AGBL1: variants seen among roughly 807,000 people sequenced by gnomAD.
AGBL1 encodes the protein cytosolic carboxypeptidase 4.
A neutral mutation model predicts 118.9 loss-of-function variants in AGBL1; 130 were observed. That is an observed-to-expected ratio of 1.09 (90% CI 0.95 to 1.26). AGBL1 has a LOEUF of 1.26. AGBL1 is among the 50% of genes most tolerant of loss of function. The probability of loss-of-function intolerance (pLI) is 0.00; values close to 1 mark genes in which losing one functional copy is unlikely to be tolerated. For synonymous variants in AGBL1, 555 were observed against 478.9 expected (o/e 1.16, Z -2.08); for missense variants, 1,584 against 1,298.1 (o/e 1.22, Z -3.38).
chr15:86,766,024 C>G (rs985672396), intron 22 of AGBL1, among the ~76,000 whole-genome samples: 1 of 151,932 alleles, frequency 6.6e-6, no homozygotes, highest in African/African-American at 2.4e-5. Flanking sequence ...ATAATCATAA[C>G]CAATATTTAC....
intron 23 of AGBL1, among the ~76,000 whole-genome samples, chr15:86,981,489 A>C (rs2081231373): frequency 6.6e-6 from 1 of 152,136 alleles, no homozygotes; most frequent in Non-Finnish European, 1.5e-5. Flanking sequence ...GCTCTTCGTC[A>C]CTATTATATG....
chr15:86,370,166 G>A (rs79511131), intron 17 of AGBL1, among the ~76,000 whole-genome samples: 3,094 of 152,180 alleles, frequency 0.02, 103 homozygotes, highest in African/African-American at 0.072. Flanking sequence ...CATATGAGGT[G>A]TAGCTAAATC....
chr15:86,376,940 T>C (rs2081049612), intron 17 of AGBL1, among the ~76,000 whole-genome samples: 1 of 152,204 alleles, frequency 6.6e-6, no homozygotes, highest in Non-Finnish European at 1.5e-5. Flanking sequence ...CAAAATCACC[T>C]TGCAAATGGT....
intron 23 of AGBL1, among the ~76,000 whole-genome samples, chr15:86,925,487 C>G: frequency 6.6e-6 from 1 of 152,082 alleles, no homozygotes; most frequent in Non-Finnish European, 1.5e-5. Flanking sequence ...ATTAATAACA[C>G]CAGTCCTAAG....
At chr15:86,878,507 G>A (rs1217305736) in intron 22 of AGBL1, among the ~76,000 whole-genome samples, 2 of 152,026 alleles carry the variant, frequency 1.3e-5, no homozygotes, top group Admixed American at 6.6e-5. Flanking sequence ...GGCCCAGTGC[G>A]GGTGCTCCTC....
intron 21 of AGBL1, among the ~76,000 whole-genome samples, chr15:86,650,927 T>C (rs907899566): frequency 3.9e-5 from 6 of 152,230 alleles, no homozygotes; most frequent in African/African-American, 1.2e-4. Context: ...TCACAGTTCA[T>C]TGGCAGAGCA....
intron 5 of AGBL1, among the ~76,000 whole-genome samples, chr15:86,181,654 G>A (rs1245589993): frequency 2.6e-5 from 4 of 151,888 alleles, no homozygotes; most frequent in Non-Finnish European, 5.9e-5. Flanking sequence ...CATTTTAAAT[G>A]TGTATAACTT....
At chr15:86,324,565 G>T (rs1197642356) in intron 17 of AGBL1, among the ~76,000 whole-genome samples, 1 of 152,152 alleles carries the variant, frequency 6.6e-6, no homozygotes, top group Non-Finnish European at 1.5e-5. Flanking sequence ...CATCTACTAG[G>T]TACCAGGGAC....
chr15:86,815,026 T>C (rs1422350128), intron 22 of AGBL1, among the ~76,000 whole-genome samples: 1 of 152,058 alleles, frequency 6.6e-6, no homozygotes, highest in African/African-American at 2.4e-5. Context: ...ACTGTTTTGT[T>C]TTTTTTTAAT....
chr15:86,790,916 A>T (rs1321016320), intron 22 of AGBL1, among the ~76,000 whole-genome samples: 1 of 152,186 alleles, frequency 6.6e-6, no homozygotes, highest in Non-Finnish European at 1.5e-5. Flanking sequence ...AAACAAGAAT[A>T]ATAATAAGTT....
chr15:86,344,272 G>A (rs2080503813), intron 17 of AGBL1, among the ~76,000 whole-genome samples: 5 of 152,208 alleles, frequency 3.3e-5, no homozygotes, highest in Non-Finnish European at 2.9e-5. Context: ...AGTGTGATGA[G>A]ACAATGAATG....
intron 21 of AGBL1, among the ~76,000 whole-genome samples, chr15:86,662,841 A>C (rs2085569246): frequency 6.6e-6 from 1 of 152,150 alleles, no homozygotes; most frequent in African/African-American, 2.4e-5. Context: ...ATTCCGCATG[A>C]CCAGTGAAGA....
intron 23 of AGBL1, among the ~76,000 whole-genome samples, chr15:86,981,868 C>G (rs1240246678): frequency 6.6e-6 from 1 of 152,160 alleles, no homozygotes; most frequent in African/African-American, 2.4e-5. Context: ...ACAAGAGGCA[C>G]AGAGAGTAAG....
At chr15:86,588,224 G>C (rs1198163485) in intron 21 of AGBL1, among the ~76,000 whole-genome samples, 1 of 152,080 alleles carries the variant, frequency 6.6e-6, no homozygotes, top group African/African-American at 2.4e-5. Flanking sequence ...GCCTGGGTTG[G>C]CTACTCTACA....
At chr15:86,787,218 C>A (rs1596480334) in intron 22 of AGBL1, among the ~76,000 whole-genome samples, 1 of 151,974 alleles carries the variant, frequency 6.6e-6, no homozygotes, top group African/African-American at 2.4e-5. Flanking sequence ...ATATCCATAA[C>A]CTTCCATAGT....
At chr15:86,500,746 A>G (rs569036191) in intron 18 of AGBL1, among the ~76,000 whole-genome samples, 1 of 151,906 alleles carries the variant, frequency 6.6e-6, no homozygotes, top group South Asian at 2.1e-4. Context: ...ATGGTATGAT[A>G]TAATGTATGG....
chr15:86,717,920 A>G (rs1379156941), intron 22 of AGBL1, among the ~76,000 whole-genome samples: 1 of 152,160 alleles, frequency 6.6e-6, no homozygotes, highest in East Asian at 1.9e-4. Context: ...TCTACTAAAA[A>G]TACAAAAATT....
At chr15:86,524,663 C>T (rs2083237247) in intron 19 of AGBL1, among the ~76,000 whole-genome samples, 1 of 152,182 alleles carries the variant, frequency 6.6e-6, no homozygotes, top group Non-Finnish European at 1.5e-5. Context: ...CCATAAGTCA[C>T]ATTGTTAGCA....
chr15:86,518,267 G>T (rs941450383), intron 18 of AGBL1, among the ~76,000 whole-genome samples: 2 of 151,850 alleles, frequency 1.3e-5, no homozygotes, highest in Admixed American at 6.6e-5. Context: ...GTTAAAGCCC[G>T]CGGTTATGTT....
Sources: gnomAD v4.1 joint callset for allele counts (sites outside exome capture counted in the v4.1 genomes callset) on GRCh38, gnomAD v4.1.1 for gene constraint, MANE v1.5 for transcripts, NCBI Gene and HGNC (gene_info 2026-07-23, HGNC 2026-07-21) for gene names.